The following GMDS variants were observed in gnomAD, a reference collection of about 807,000 sequenced individuals.
GMDS encodes the protein GDP-mannose 4,6-dehydratase, also known as GDP-mannose 4,6 dehydratase.
Under a neutral mutation model 49.9 loss-of-function variants are expected in GMDS, and 20 were observed. That is an observed-to-expected ratio of 0.40 (90% CI 0.28 to 0.58). The LOEUF is 0.58. Ranked by LOEUF, GMDS falls within the 20% of genes least tolerant of loss-of-function variation. The probability of loss-of-function intolerance (pLI) is 0.42; values close to 1 mark genes in which losing one functional copy is unlikely to be tolerated. For synonymous variants in GMDS, 177 were observed against 178.6 expected, an observed-to-expected ratio of 0.99 and a Z score of 0.07; for missense variants, 362 against 481.4, an observed-to-expected ratio of 0.75 and a Z score of 2.32.
chr6:1,971,656 A>C (rs1432208171), intron 4 of GMDS, among the ~76,000 whole-genome samples: 1 of 152,152 alleles, frequency 6.6e-6, no homozygotes, highest in Non-Finnish European at 1.5e-5. Flanking sequence ...CTCTGATGAG[A>C]GGCAAGGCTG....
At chr6:1,650,946 A>T (rs374296312) in intron 9 of GMDS, among the ~76,000 whole-genome samples, 1 of 152,208 alleles carries the variant, frequency 6.6e-6, no homozygotes, top group Non-Finnish European at 1.5e-5. Context: ...GTCTTGTTAG[A>T]TTGAAAAGCA....
chr6:1,668,954 T>A (rs1205201072), intron 9 of GMDS, among the ~76,000 whole-genome samples: 1 of 152,216 alleles, frequency 6.6e-6, no homozygotes, highest in Admixed American at 6.5e-5. Context: ...ACTTTTACAC[T>A]GAACTTGACA....
chr6:2,068,625 GACAA>G (rs544841227), intron 4 of GMDS, among the ~76,000 whole-genome samples: 2 of 151,938 alleles, frequency 1.3e-5, no homozygotes, highest in African/African-American at 2.4e-5. Flanking sequence ...ACCAACAACA[GACAA>G]ACAGAGAGCC....
At chr6:1,699,291 T>G in intron 9 of GMDS, among the ~76,000 whole-genome samples, 3 of 148,174 alleles carry the variant, frequency 2.0e-5, no homozygotes, top group African/African-American at 5.0e-5. Flanking sequence ...AAGATGGGGG[T>G]GGGGAGAAAG....
intron 4 of GMDS, among the ~76,000 whole-genome samples, chr6:2,024,862 G>A (rs137878028): frequency 2.9e-4 from 43 of 150,782 alleles, no homozygotes; most frequent in African/African-American, 9.4e-4. Context: ...TACACTGAAA[G>A]CAAAAAGGAC....
At chr6:2,235,123 CT>C (rs1382945463) in intron 1 of GMDS, among the ~76,000 whole-genome samples, 1 of 151,750 alleles carries the variant, frequency 6.6e-6, no homozygotes, top group Non-Finnish European at 1.5e-5. Flanking sequence ...AAAACTCCAT[CT>C]CAAAAAAAAC....
chr6:1,722,968 G>A (rs186481281), intron 9 of GMDS, among the ~76,000 whole-genome samples: 8 of 152,294 alleles, frequency 5.3e-5, no homozygotes, highest in Non-Finnish European at 8.8e-5. Context: ...ACCCCTGTAG[G>A]CAGAGTACCA....
At chr6:2,164,430 T>C (rs907643486) in intron 1 of GMDS, among the ~76,000 whole-genome samples, 3 of 152,104 alleles carry the variant, frequency 2.0e-5, no homozygotes, top group Non-Finnish European at 1.5e-5. Context: ...AGACTCAGCA[T>C]TATCTTACAA....
intron 1 of GMDS, among the ~76,000 whole-genome samples, chr6:2,217,297 G>C (rs1322718002): frequency 6.6e-6 from 1 of 152,016 alleles, no homozygotes; most frequent in East Asian, 1.9e-4. Context: ...CACACCAAGA[G>C]CTGCCAGTTC....
At chr6:1,934,699 G>T (rs534987893) in intron 6 of GMDS, among the ~76,000 whole-genome samples, 1 of 151,914 alleles carries the variant, frequency 6.6e-6, no homozygotes, top group African/African-American at 2.4e-5. Context: ...AAACATTTTT[G>T]TAACCACATG....
intron 1 of GMDS, among the ~76,000 whole-genome samples, chr6:2,207,190 C>T (rs1333720566): frequency 6.6e-6 from 1 of 152,066 alleles, no homozygotes; most frequent in East Asian, 1.9e-4. Context: ...CCTTCTATAT[C>T]TGGCTTCTAC....
rs541295076 is a variant in GMDS, at chr6:2,191,101, C to T, written c.102+54220G>A. On this transcript the variant is annotated intron_variant, in intron 1 of 10. Transcript: ENST00000380815. This position sits in a 1 kb window ranked among gnomAD's most constrained non-coding sequence, Gnocchi z 4.6. Reference sequence around the variant, plus strand: ...CCCAGCCAGTGGTGCGGTCACCACGCCCACTGCACCAAGGGTGCCGTGTTC... The same window carrying T: ...CCCAGCCAGTGGTGCGGTCACCACGTCCACTGCACCAAGGGTGCCGTGTTC... 9.0e-4 allele frequency among the ~76,000 whole-genome samples: 137 copies of T among 152,218 alleles called. No homozygotes were observed. Among genetic ancestry groups the T allele is most frequent in the African/African-American group, 3.3e-3 (137 of 41,534 alleles).
chr6:1,899,290 T>C (rs745898710), intron 7 of GMDS, among the ~76,000 whole-genome samples: 41 of 151,104 alleles, frequency 2.7e-4, no homozygotes, highest in Non-Finnish European at 4.7e-4. Flanking sequence ...TTGTTTTGAT[T>C]TGTGTTTTTT....
chr6:1,808,135 G>C (rs1399750514), intron 7 of GMDS, among the ~76,000 whole-genome samples: 2 of 152,174 alleles, frequency 1.3e-5, no homozygotes, highest in Non-Finnish European at 2.9e-5. Flanking sequence ...TTGATCAACT[G>C]TGTGTTCACA....
chr6:2,097,030 T>A (rs1415578084), intron 4 of GMDS, among the ~76,000 whole-genome samples: 1 of 151,992 alleles, frequency 6.6e-6, no homozygotes, highest in Non-Finnish European at 1.5e-5. Flanking sequence ...ACAGACAATG[T>A]GAATTCAACA....
intron 7 of GMDS, among the ~76,000 whole-genome samples, chr6:1,929,858 T>C (rs530007426): frequency 1.9e-3 from 294 of 152,274 alleles, no homozygotes; most frequent in African/African-American, 6.5e-3. Flanking sequence ...GCACAAATAA[T>C]TGGAAGAGTA....
chr6:1,955,356 A>C (rs1190336180), intron 6 of GMDS, among the ~76,000 whole-genome samples: 1 of 152,246 alleles, frequency 6.6e-6, no homozygotes, highest in African/African-American at 2.4e-5. Flanking sequence ...AACTGAGTAC[A>C]TATGAAAGAA....
At chr6:2,068,768 G>A (rs1248263987) in intron 4 of GMDS, among the ~76,000 whole-genome samples, 1 of 152,092 alleles carries the variant, frequency 6.6e-6, no homozygotes, top group African/African-American at 2.4e-5. Flanking sequence ...AATAAAAGAG[G>A]ATACAAACAA....
At chr6:2,153,059 AAAAT>A (rs760183938) in intron 1 of GMDS, among the ~76,000 whole-genome samples, 8 of 152,082 alleles carry the variant, frequency 5.3e-5, no homozygotes, top group African/African-American at 1.9e-4. Flanking sequence ...ACTCCTCCTC[AAAAT>A]AAATAAATAA....
Sources: allele counts gnomAD v4.1 joint callset (sites outside exome capture counted in the v4.1 genomes callset), GRCh38; gene constraint gnomAD v4.1.1; non-coding constraint Gnocchi (gnomAD v3.1); transcripts MANE v1.5; gene names NCBI Gene and HGNC (gene_info 2026-07-23, HGNC 2026-07-21).